SH3BP5: variants seen among roughly 807,000 people sequenced by gnomAD.
The protein encoded by SH3BP5 is SH3 domain-binding protein 5.
Under a neutral mutation model 43.3 loss-of-function variants are expected in SH3BP5, and 22 were observed. The ratio of observed to expected loss-of-function variants is 0.51; its 90% CI spans 0.36 to 0.73. The LOEUF is 0.73. Among genes scored for constraint, SH3BP5 ranks in the 30% least tolerant of loss-of-function variants. The pLI, the probability that SH3BP5 is intolerant of heterozygous loss-of-function variation, is 0.00. For synonymous variants in SH3BP5, 255 were observed against 225.8 expected (o/e 1.13, Z -1.16); for missense variants, 529 against 586.9 (o/e 0.90, Z 1.02).
intron 2 of SH3BP5, among the ~76,000 whole-genome samples, chr3:15,318,530 C>CAAAAA (rs59276192): frequency 9.5e-6 from 1 of 105,214 alleles, no homozygotes; most frequent in Non-Finnish European, 1.9e-5. Flanking sequence ...CTGTCAGCTC[C>CAAAAA]AAAAAAAAAA....
At position 15,330,777 on chromosome 3, in the gene SH3BP5, T is replaced by C. The variant is rs1051120927; in HGVS notation, c.139-211A>G. On this transcript the variant is annotated intron_variant, in intron 1 of 8. Coordinates refer to ENST00000383791, the MANE Select transcript of SH3BP5 (RefSeq NM_004844.5). Reference sequence around the variant, plus strand: ...AACCATTTTCTTGAGGGTGTCCCTTTTGACAATGTCTTCAGAGACATTTGG... The same window carrying C: ...AACCATTTTCTTGAGGGTGTCCCTTCTGACAATGTCTTCAGAGACATTTGG... The C allele has an allele frequency of 8.1e-6, 8 of 984,562 alleles. No individual in the cohort carries two copies. In the African/African-American group the frequency reaches 1.2e-4, roughly 15 times the overall value. The allele number at this position is 984,562 out of a possible 1,614,324, so 61.0% of individuals were successfully genotyped here.
rs940197611 is a variant in SH3BP5, at chr3:15,257,133, C to T, written c.890-20G>A. Reference sequence around the variant, plus strand: ...AGGCCACTAAGTTGAGAGAGAACACCAGTCACATGGGTTCTGTCACCTCCT... The same window carrying T: ...AGGCCACTAAGTTGAGAGAGAACACTAGTCACATGGGTTCTGTCACCTCCT... On this transcript the variant is annotated intron_variant, in intron 7 of 8. Transcript: ENST00000383791. 4 of 1,608,456 alleles carry T rather than the reference C, an allele frequency of 2.5e-6. No homozygotes were observed. The highest frequency in any genetic ancestry group is 3.4e-6 in the Non-Finnish European group (4 of 1,176,208).
At chr3:15,267,668 C>T (rs929988732) in intron 4 of SH3BP5, among the ~76,000 whole-genome samples, 1 of 152,120 alleles carries the variant, frequency 6.6e-6, no homozygotes, top group Non-Finnish European at 1.5e-5. Context: ...TCTTGTATAG[C>T]CCCACAGGTC....
intron 3 of SH3BP5, among the ~76,000 whole-genome samples, chr3:15,298,016 C>T (rs1250800366): frequency 1.3e-5 from 2 of 150,684 alleles, no homozygotes; most frequent in African/African-American, 4.9e-5. Flanking sequence ...TCACCCTGTC[C>T]TCCAGGATGG....
rs772659562 is a variant in SH3BP5, at chr3:15,256,236, A to G, written c.1218T>C (p.Ser406=). 10 of 1,614,068 alleles carry G rather than the reference A, an allele frequency of 6.2e-6. No homozygotes were observed. The East Asian group carries it at 2.0e-4, about 32-fold the overall frequency. ...TACTGCTGCCACCACTGCCACTGCTACTGCTGAGGCCCCGGTTGTTGTTGG... is the reference window on the plus strand; with the variant it reads ...TACTGCTGCCACCACTGCCACTGCTGCTGCTGAGGCCCCGGTTGTTGTTGG... ...DKANNNRGLS[S]SSGSGGSSKS... is the part of the protein sequence containing the mutation. The change falls in exon 9 of 9, where the codon AGT becomes AGC. Residue 406 remains serine (S), a synonymous_variant. Transcript: ENST00000383791.
upstream of SH3BP5, among the ~76,000 whole-genome samples, chr3:15,336,083 G>A (rs1414420661): frequency 2.0e-5 from 3 of 152,162 alleles, no homozygotes; most frequent in Non-Finnish European, 4.4e-5. Context: ...GTAGTGAGCC[G>A]AGATGGCACC....
rs1452759559 is a variant in SH3BP5, at chr3:15,332,505, G to GC, written c.-98dup. 1 of 1,300,392 alleles carries GC rather than the reference G, an allele frequency of 7.7e-7. No homozygotes were observed. The highest frequency in any genetic ancestry group is 1.6e-5 in the African/African-American group (1 of 64,092). 80.6% of individuals were successfully genotyped at this position (1,300,392 alleles called of 1,614,324 possible). ...GCTGGAGCCGCCTCGCCACAGCCGGGCACGGTCGGGGAGCCGCCGGGGCCG... is the reference window on the plus strand; with the variant it reads ...GCTGGAGCCGCCTCGCCACAGCCGGGCCACGGTCGGGGAGCCGCCGGGGCCG... On this transcript the variant is annotated 5_prime_UTR_variant, in exon 1 of 9. Coordinates refer to ENST00000383791, the MANE Select transcript of SH3BP5 (RefSeq NM_004844.5).
chr3:15,317,105 A>C (rs1249056124), intron 2 of SH3BP5, among the ~76,000 whole-genome samples: 1 of 152,250 alleles, frequency 6.6e-6, no homozygotes, highest in African/African-American at 2.4e-5. Context: ...TTCTTCAAAA[A>C]TTCACAATCA....
In SH3BP5 at chr3:15,259,735, G is replaced by C. The variant is rs116027698; in HGVS notation, c.669+26C>G. On this transcript the variant is annotated intron_variant, in intron 6 of 8. Transcript: ENST00000383791. ...CTTTGAGTGCAGAAAAATCTCATCA[G>C]TGACGAAGCCCAAAGCTACACATAC... 734 of 1,612,318 alleles carry C rather than the reference G, an allele frequency of 4.6e-4. 5 individuals are homozygous for C. The African/African-American group carries it at 7.8e-3, about 17-fold the overall frequency.
At chr3:15,338,440 A>T (rs998204433) in intron 1 of SH3BP5, among the ~76,000 whole-genome samples, 23 of 152,264 alleles carry the variant, frequency 1.5e-4, no homozygotes, top group African/African-American at 2.4e-5. Flanking sequence ...CTGCATTCAC[A>T]TCACACTCTG....
intron 3 of SH3BP5, among the ~76,000 whole-genome samples, chr3:15,279,715 C>CA (rs752755853): frequency 6.6e-6 from 1 of 152,020 alleles, no homozygotes; most frequent in Non-Finnish European, 1.5e-5. Context: ...CAGTTTCTGG[C>CA]AAGACAATCC....
At chr3:15,280,112 A>T (rs1697079319) in intron 3 of SH3BP5, among the ~76,000 whole-genome samples, 1 of 152,040 alleles carries the variant, frequency 6.6e-6, no homozygotes, top group African/African-American at 2.4e-5. Flanking sequence ...ATCCTTTCAC[A>T]ATTACAAGCA....
intron 4 of SH3BP5, 31 bp from the exon 5 acceptor site, chr3:15,262,320 C>T (rs969140936): frequency 3.5e-5 from 57 of 1,606,492 alleles, no homozygotes; most frequent in Non-Finnish European, 4.3e-5. Flanking sequence ...CAGCCCAGTC[C>T]AGCCCAGAAC....
intron 2 of SH3BP5, among the ~76,000 whole-genome samples, chr3:15,307,897 CT>C (rs2125116966): frequency 6.6e-6 from 1 of 152,342 alleles, no homozygotes; most frequent in East Asian, 1.9e-4. Context: ...CAGGCCTACT[CT>C]GTTAAATGAG....
At position 15,294,319 on chromosome 3, in the gene SH3BP5, G is replaced by A. The variant is rs1031340839; in HGVS notation, c.330+9784C>T. 1.4e-4 allele frequency among the ~76,000 whole-genome samples: 20 copies of A among 145,614 alleles called. 1 individual carries two copies. Among genetic ancestry groups the A allele is most frequent in the African/African-American group, 5.1e-4 (19 of 37,542 alleles). On this transcript the variant is annotated intron_variant, in intron 3 of 8. Transcript: ENST00000383791. ...TGTGTGTGTGTGTGTGTGTGTGTGT[G>A]TGTGTGTGTGTGCGCGCGCATGTTT...
In SH3BP5 at chr3:15,339,281, C is replaced by T. The variant is rs190247921; in HGVS notation, c.-402+1942G>A. Among the ~76,000 whole-genome samples the T allele has an allele frequency of 4.4e-3, 671 of 152,138 alleles. 3 individuals carry two copies. The highest frequency in any genetic ancestry group is 0.02 in the Middle Eastern group (6 of 294). ...TGTGTCTAAATTGAATTAAACTTGTCTCTTGACCCAGATGAATTACAGGCC... is the reference window on the plus strand; with the variant it reads ...TGTGTCTAAATTGAATTAAACTTGTTTCTTGACCCAGATGAATTACAGGCC... On this transcript the variant is annotated intron_variant, in intron 1 of 8. Coordinates refer to the SH3BP5 transcript ENST00000408919.
At chr3:15,296,927 G>C (rs376352081) in intron 3 of SH3BP5, among the ~76,000 whole-genome samples, 7 of 151,246 alleles carry the variant, frequency 4.6e-5, no homozygotes, top group Non-Finnish European at 8.8e-5. Context: ...GAACTCCTGG[G>C]CTCAAGCAAT....
At position 15,258,869 on chromosome 3, in the gene SH3BP5, TC is replaced by T; in HGVS notation, c.850del (p.Asp284IlefsTer59). 6.2e-7 allele frequency: 1 copy of T among 1,614,126 alleles called. No homozygotes were observed. Among genetic ancestry groups the T allele is most frequent in the Non-Finnish European group, 8.5e-7 (1 of 1,180,020 alleles). ...GAEGSSTSVE[D>X]LPGSKPEPDA... is the part of the protein sequence containing the mutation. The stretch of plus-strand genomic sequence containing the variant: ...AGGCTCAGGTTTGCTCCCTGGCAGA[TC>T]CTCCACAGATGTGCTGCTGCCCTCA... On this transcript the variant is annotated frameshift_variant, in exon 7 of 9. Coordinates refer to ENST00000383791, the MANE Select transcript of SH3BP5 (RefSeq NM_004844.5). LOFTEE classifies it high-confidence loss of function.
chr3:15,318,847 T>C (rs1575345894), intron 2 of SH3BP5, among the ~76,000 whole-genome samples: 1 of 152,346 alleles, frequency 6.6e-6, no homozygotes, highest in East Asian at 1.9e-4. Flanking sequence ...ACTGGGATTA[T>C]GGGCGTGAGC....
Sources: allele counts gnomAD v4.1 joint callset (sites outside exome capture counted in the v4.1 genomes callset), GRCh38; gene constraint gnomAD v4.1.1; transcripts MANE v1.5; gene names NCBI Gene and HGNC (gene_info 2026-07-23, HGNC 2026-07-21).